GPR158: variants seen among roughly 807,000 people sequenced by gnomAD.
The protein encoded by GPR158 is G protein-coupled receptor 158.
In GPR158, 30 loss-of-function variants were observed where a neutral mutation model predicts 78.2. That is an observed-to-expected ratio of 0.38 (90% CI 0.29 to 0.52). GPR158 has a LOEUF of 0.52. GPR158 is among the 20% of genes least tolerant of loss of function. The pLI is 0.83. For synonymous variants in GPR158, 581 were observed against 591.1 expected, an observed-to-expected ratio of 0.98 and a Z score of 0.25; for missense variants, 1,463 against 1,523.5, an observed-to-expected ratio of 0.96 and a Z score of 0.66.
At chr10:25,184,770 G>A (rs1016279007) in intron 1 of GPR158, among the ~76,000 whole-genome samples, 4 of 152,304 alleles carry the variant, frequency 2.6e-5, no homozygotes, top group African/African-American at 9.6e-5. Flanking sequence ...CACAATGGAA[G>A]TTACTTCTTA....
At chr10:25,200,876 T>TTG (rs1208919792) in intron 1 of GPR158, among the ~76,000 whole-genome samples, 38 of 150,458 alleles carry the variant, frequency 2.5e-4, no homozygotes, top group Admixed American at 2.5e-3. Context: ...TTGTTTTTTT[T>TTG]TTTTTTTTTT....
At chr10:25,494,452 A>G (rs1025000405) in intron 5 of GPR158, among the ~76,000 whole-genome samples, 3 of 152,230 alleles carry the variant, frequency 2.0e-5, no homozygotes, top group Non-Finnish European at 4.4e-5. Flanking sequence ...AACTGTCATT[A>G]GTATAATCAT....
At position 25,429,429 on chromosome 10, in the gene GPR158, G is replaced by A. The variant is rs188065341; in HGVS notation, c.1335+16956G>A. On this transcript the variant is annotated intron_variant, in intron 4 of 10. Transcript: ENST00000376351. Reference sequence around the variant, plus strand: ...AAATATTTTATGAGTTCCAAATGAAGCTTAGTCCCACAGCTCAAATTCAGA... The same window carrying A: ...AAATATTTTATGAGTTCCAAATGAAACTTAGTCCCACAGCTCAAATTCAGA... Among the ~76,000 whole-genome samples, 204 of 152,140 alleles carry A rather than the reference G, an allele frequency of 1.3e-3. 1 individual carries two copies. Among genetic ancestry groups the A allele is most frequent in the Non-Finnish European group, 1.1e-3 (75 of 67,940 alleles).
chr10:25,466,367 A>G (rs77865867), intron 4 of GPR158: 5,144 of 299,446 alleles, frequency 0.017, 72 homozygotes, highest in Middle Eastern at 0.032. Flanking sequence ...AAGTATCTTC[A>G]AGATAGTGTT....
chr10:25,380,433 T>A (rs1472830439), intron 2 of GPR158, among the ~76,000 whole-genome samples: 1 of 152,230 alleles, frequency 6.6e-6, no homozygotes, highest in Non-Finnish European at 1.5e-5. Flanking sequence ...CTTGATGTTT[T>A]AATTAGATCT....
At chr10:25,330,472 T>C (rs1855102776) in intron 2 of GPR158, among the ~76,000 whole-genome samples, 1 of 152,182 alleles carries the variant, frequency 6.6e-6, no homozygotes, top group African/African-American at 2.4e-5. Flanking sequence ...AGTGTTATAA[T>C]AGACACCAAA....
At chr10:25,186,242 T>C (rs1588723852) in intron 1 of GPR158, among the ~76,000 whole-genome samples, 1 of 152,196 alleles carries the variant, frequency 6.6e-6, no homozygotes, top group East Asian at 1.9e-4. Context: ...GGGAAATTTA[T>C]AGCACTAAAT....
At chr10:25,342,783 T>C (rs1014587297) in intron 2 of GPR158, among the ~76,000 whole-genome samples, 1 of 151,796 alleles carries the variant, frequency 6.6e-6, no homozygotes, top group Non-Finnish European at 1.5e-5. Context: ...TTCTTTTTTT[T>C]TTTTTTTCTC....
chr10:25,525,377 G>T (rs775474704), intron 5 of GPR158, among the ~76,000 whole-genome samples: 1 of 152,112 alleles, frequency 6.6e-6, no homozygotes, highest in South Asian at 2.1e-4. Context: ...GAAGCAATTC[G>T]CATGTTCATT....
intron 2 of GPR158, among the ~76,000 whole-genome samples, chr10:25,261,591 G>A (rs927236750): frequency 6.6e-6 from 1 of 152,094 alleles, no homozygotes; most frequent in Non-Finnish European, 1.5e-5. Flanking sequence ...AAATCAGCGT[G>A]TGATACACTT....
intron 4 of GPR158, among the ~76,000 whole-genome samples, chr10:25,413,690 T>C (rs1320545087): frequency 6.6e-6 from 1 of 152,200 alleles, no homozygotes; most frequent in Non-Finnish European, 1.5e-5. Flanking sequence ...TTATGAAGCC[T>C]CAAGGTAAAC....
At chr10:25,483,380 C>G (rs186974122) in intron 5 of GPR158, among the ~76,000 whole-genome samples, 119 of 152,168 alleles carry the variant, frequency 7.8e-4, no homozygotes, top group East Asian at 6.6e-3. Context: ...TTCCTCCCCC[C>G]TTTCATGTCT....
At chr10:25,478,682 A>C (rs1835622502) in intron 5 of GPR158, among the ~76,000 whole-genome samples, 1 of 152,012 alleles carries the variant, frequency 6.6e-6, no homozygotes, top group African/African-American at 2.4e-5. Context: ...TCTAGGGTAC[A>C]TGTGCACAGT....
At chr10:25,534,635 T>C (rs1304137666) in intron 5 of GPR158, among the ~76,000 whole-genome samples, 17 of 149,444 alleles carry the variant, frequency 1.1e-4, no homozygotes, top group Non-Finnish European at 2.5e-4. Context: ...GTATCTGTAA[T>C]CTCAACTATT....
intron 4 of GPR158, among the ~76,000 whole-genome samples, chr10:25,422,909 C>T (rs145279571): frequency 0.019 from 2,536 of 133,894 alleles, 64 homozygotes; most frequent in African/African-American, 0.055. Context: ...TATGCCTTTG[C>T]GTCCTCATAG....
At chr10:25,498,823 A>G (rs545424826) in intron 5 of GPR158, among the ~76,000 whole-genome samples, 1 of 152,300 alleles carries the variant, frequency 6.6e-6, no homozygotes, top group South Asian at 2.1e-4. Context: ...AAGATGTTGG[A>G]ATGCCATCAG....
At chr10:25,550,199 A>C (rs753546431) in intron 5 of GPR158, among the ~76,000 whole-genome samples, 3 of 152,106 alleles carry the variant, frequency 2.0e-5, no homozygotes, top group African/African-American at 7.2e-5. Context: ...CACAGTACCT[A>C]TGTTACTTGA....
At chr10:25,372,825 T>A (rs908471621) in intron 2 of GPR158, among the ~76,000 whole-genome samples, 7 of 120,246 alleles carry the variant, frequency 5.8e-5, no homozygotes, top group African/African-American at 1.3e-4. Context: ...AACCTGCACA[T>A]TGTGCACATG....
intron 2 of GPR158, among the ~76,000 whole-genome samples, chr10:25,301,391 C>T (rs7476751): frequency 0.19 from 28,414 of 152,034 alleles, 4,744 homozygotes; most frequent in African/African-American, 0.45. Flanking sequence ...TGTCATTGCC[C>T]GGTCCCTACC....
Sources: allele counts gnomAD v4.1 joint callset (sites outside exome capture counted in the v4.1 genomes callset), GRCh38; gene constraint gnomAD v4.1.1; transcripts MANE v1.5; gene names NCBI Gene and HGNC (gene_info 2026-07-23, HGNC 2026-07-21).